The following NLRP13 variants were observed in gnomAD, a reference collection of about 807,000 sequenced individuals.
NLRP13 encodes NLR family pyrin domain containing 13, also known as NACHT, LRR and PYD domains-containing protein 13.
NLRP13 carries 82 observed loss-of-function variants against 94.4 expected under a neutral mutation model. That is an observed-to-expected ratio of 0.87 (90% CI 0.73 to 1.04). NLRP13 has a LOEUF of 1.04. NLRP13 is among the 50% of genes least tolerant of loss of function. The pLI is 0.00. For synonymous variants in NLRP13, 553 were observed against 464.7 expected, an observed-to-expected ratio of 1.19 and a Z score of -2.45; for missense variants, 1,426 against 1,230.8, an observed-to-expected ratio of 1.16 and a Z score of -2.37.
At chr19:55,911,025 T>A (rs549129865) in intron 5 of NLRP13, among the ~76,000 whole-genome samples, 10 of 152,140 alleles carry the variant, frequency 6.6e-5, no homozygotes, top group Admixed American at 4.6e-4. Context: ...GGCAGGAGAA[T>A]AGCTTCAACC....
At chr19:55,930,686 C>CAAAAAAAA (rs9304769) in intron 1 of NLRP13, among the ~76,000 whole-genome samples, 1 of 94,206 alleles carries the variant, frequency 1.1e-5, no homozygotes, top group Non-Finnish European at 2.0e-5. Flanking sequence ...AACTCCATCT[C>CAAAAAAAA]AAAAAAAAAA....
chr19:55,915,119 T>C (rs1986644128), intron 4 of NLRP13, among the ~76,000 whole-genome samples: 1 of 151,842 alleles, frequency 6.6e-6, no homozygotes, highest in Non-Finnish European at 1.5e-5. Flanking sequence ...GAGGAACGAG[T>C]TCTGTGATGT....
At chr19:55,923,629 G>T (rs931333091) in intron 4 of NLRP13, among the ~76,000 whole-genome samples, 1 of 152,166 alleles carries the variant, frequency 6.6e-6, no homozygotes, top group Non-Finnish European at 1.5e-5. Flanking sequence ...ACTCTTTATA[G>T]CACCCTCCTC....
chr19:55,927,456 TAA>T (rs10707874), intron 1 of NLRP13, among the ~76,000 whole-genome samples: 7,863 of 144,850 alleles, frequency 0.054, 483 homozygotes, highest in African/African-American at 0.15. Flanking sequence ...TCTAATTCCT[TAA>T]AAAAAAAAAA....
At chr19:55,916,871 C>CA (rs139453647) in intron 4 of NLRP13, among the ~76,000 whole-genome samples, 11 of 151,246 alleles carry the variant, frequency 7.3e-5, no homozygotes, top group African/African-American at 9.7e-5. Flanking sequence ...TAATGAACTC[C>CA]AAAAAAAATG....
At chr19:55,931,280 C>T (rs565251316) in intron 1 of NLRP13, among the ~76,000 whole-genome samples, 5 of 152,052 alleles carry the variant, frequency 3.3e-5, no homozygotes, top group Admixed American at 3.3e-4. Context: ...CGGTGGGTTG[C>T]GGGGGCAGGG....
downstream of NLRP13, chr19:55,892,201 C>G: frequency 9.3e-7 from 1 of 1,069,888 alleles, no homozygotes; most frequent in Non-Finnish European, 1.2e-6. Context: ...TTCAGGGGAA[C>G]ACGTACAGGT....
In NLRP13 at chr19:55,912,311, G is replaced by A. The variant is rs763719708; in HGVS notation, c.1506C>T (p.Asp502=). ...GCACTTCCAGGCCCTCGATCTCAGTGTCTTCTTTGTTAAACGTGAAGTTCA... is the reference window on the plus strand; with the variant it reads ...GCACTTCCAGGCCCTCGATCTCAGTATCTTCTTTGTTAAACGTGAAGTTCA... The part of the protein sequence containing the change: ...WSMNFTFNKE[D]TEIEGLEVPF... Residue 502 remains aspartate, a synonymous_variant, in exon 5 of 11, where the codon GAC becomes GAT. Coordinates refer to ENST00000342929, the MANE Select transcript of NLRP13 (RefSeq NM_176810.2). The A allele has an allele frequency of 1.9e-6, 3 of 1,614,062 alleles. No individual in the cohort carries two copies. The highest frequency in any genetic ancestry group is 2.5e-6 in the Non-Finnish European group (3 of 1,180,014).
rs1180548719 is a variant in NLRP13, at chr19:55,905,097, G to T, written c.2463C>A (p.Asn821Lys). 3 of 1,613,808 alleles carry T rather than the reference G, an allele frequency of 1.9e-6. No individual in the cohort carries two copies. Among genetic ancestry groups the T allele is most frequent in the Non-Finnish European group, 2.5e-6 (3 of 1,179,888 alleles). The change falls in exon 8 of 11, where the codon AAC becomes AAA. Residue 821 changes from asparagine (N) to lysine (K), a missense_variant. By Grantham distance (94) the Asn-to-Lys change is moderately conservative. Transcript: ENST00000342929. Reference sequence around the variant, plus strand: ...GGTCCTGACAGCTGGCTGCCGACAAGTTGCATTTCTCCAGGCTGTGGAAGG... The same window carrying T: ...GGTCCTGACAGCTGGCTGCCGACAATTTGCATTTCTCCAGGCTGTGGAAGG... Reference protein sequence around the residue: ...NLKYLCLEKCNLSAASCQDLA... With the variant: ...NLKYLCLEKCKLSAASCQDLA...
intron 7 of NLRP13, among the ~76,000 whole-genome samples, chr19:55,905,407 A>G (rs1986311001): frequency 1.1e-5 from 1 of 90,254 alleles, no homozygotes; most frequent in Admixed American, 1.0e-4. Context: ...ATATACATAC[A>G]TATATATACA....
downstream of NLRP13, among the ~76,000 whole-genome samples, chr19:55,893,031 A>T (rs1287627989): frequency 1.3e-5 from 2 of 152,182 alleles, no homozygotes; most frequent in Non-Finnish European, 2.9e-5. Flanking sequence ...GTGCAGTGTA[A>T]AGTGGCAAAC....
At chr19:55,929,946 T>C (rs35621418) in intron 1 of NLRP13, among the ~76,000 whole-genome samples, 28,053 of 152,096 alleles carry the variant, frequency 0.18, 2,821 homozygotes, top group African/African-American at 0.26. Context: ...TCCCTAGTTT[T>C]CTGCTTTACA....
At chr19:55,897,642 A>G (rs975365402) in intron 10 of NLRP13, among the ~76,000 whole-genome samples, 1 of 152,238 alleles carries the variant, frequency 6.6e-6, no homozygotes, top group Admixed American at 6.5e-5. Context: ...CATTTATGCC[A>G]AACTATCTTA....
rs977070 is a variant in NLRP13 at position 55,911,708 on chromosome 19, C to A, written c.2109G>T (p.Leu703=). 25 of 1,590,966 alleles carry A rather than the reference C, an allele frequency of 1.6e-5. No homozygotes were observed. The African/African-American group carries it at 2.2e-4, about 14-fold the overall frequency. Reference sequence around the variant, plus strand: ...AAGAAATGGTTTGTAATACTCACTCCAGAATTTCCAAGTCCCTTTCAAGGA... The same window carrying A: ...AAGAAATGGTTTGTAATACTCACTCAAGAATTTCCAAGTCCCTTTCAAGGA... ...SHILERDLEI[L]ETSKFDSRMH... is the part of the protein sequence containing the mutation. Residue 703 remains leucine, a splice_region_variant and synonymous_variant, in exon 5 of 11, where the codon CTG becomes CTT. Transcript: ENST00000342929.
intron 2 of NLRP13, 150 bp downstream of exon 2, chr19:55,924,817 T>TA: frequency 3.7e-6 from 3 of 801,686 alleles, no homozygotes; most frequent in Non-Finnish European, 6.3e-6. Context: ...TATCATTTAA[T>TA]AAGCAATACT....
rs771462365 is a variant in NLRP13 at position 55,932,316 on chromosome 19, C to T, written c.-5G>A. 6.3e-7 allele frequency: 1 copy of T among 1,599,532 alleles called. No individual in the cohort carries two copies. The highest frequency in any genetic ancestry group is 8.5e-7 in the Non-Finnish European group (1 of 1,176,594). On this transcript the variant is annotated 5_prime_UTR_variant, in exon 1 of 11. Transcript: ENST00000342929. ...GGTGATTACAGAAAAGTTCATCTTG[C>T]CCAACACATGCAGTTTCTCACTTCA...
At chr19:55,898,649 T>G in intron 10 of NLRP13, 121 bp downstream of exon 10, 1 of 1,106,444 alleles carries the variant, frequency 9.0e-7, no homozygotes, top group Non-Finnish European at 1.3e-6. Context: ...CTGGGTGAGA[T>G]TTCTTAGATG....
At position 55,932,172 on chromosome 19, in the gene NLRP13, G is replaced by A. The variant is rs532595491; in HGVS notation, c.140C>T (p.Ala47Val). Residue 47 changes from alanine (A) to valine (V), a missense_variant, in exon 1 of 11, where the codon GCC becomes GTC. Transcript: ENST00000342929. ...EPQQLMDFWS[A>V]PQGHFPRIPW... is the part of the protein sequence containing the mutation. Reference sequence around the variant, plus strand: ...GATACGCGGGAAGTGCCCCTGGGGGGCCGACCAGAAGTCCATCAGCTGCTG... The same window carrying A: ...GATACGCGGGAAGTGCCCCTGGGGGACCGACCAGAAGTCCATCAGCTGCTG... The A allele has an allele frequency of 2.5e-6, 4 of 1,614,104 alleles. No individual in the cohort carries two copies. The East Asian group carries it at 6.7e-5, about 27-fold the overall frequency.
chr19:55,892,815 C>T (rs1985894414), downstream of NLRP13, among the ~76,000 whole-genome samples: 1 of 152,178 alleles, frequency 6.6e-6, no homozygotes, highest in Non-Finnish European at 1.5e-5. Context: ...CATTAGTTCA[C>T]TTAGGCTAAT....
Sources: gnomAD v4.1 joint callset for allele counts (sites outside exome capture counted in the v4.1 genomes callset) on GRCh38, gnomAD v4.1.1 for gene constraint, MANE v1.5 for transcripts, NCBI Gene and HGNC (gene_info 2026-07-23, HGNC 2026-07-21) for gene names.